NRG2: variants seen among roughly 807,000 people sequenced by gnomAD.
The protein encoded by NRG2 is pro-neuregulin-2, membrane-bound isoform.
In NRG2, 27 loss-of-function variants were observed where a neutral mutation model predicts 73.9. The observed-to-expected ratio is 0.37, with a 90% CI of 0.27 to 0.50. The LOEUF (loss-of-function observed/expected upper bound fraction) is 0.50. NRG2 is among the 20% of genes least tolerant of loss of function. The pLI is 0.96. For synonymous variants in NRG2, 532 were observed against 541.0 expected (o/e 0.98, Z 0.23); for missense variants, 1,126 against 1,210.1 (o/e 0.93, Z 1.03).
intron 1 of NRG2, among the ~76,000 whole-genome samples, chr5:139,892,219 C>T (rs564637584): frequency 6.6e-6 from 1 of 152,308 alleles, no homozygotes; most frequent in African/African-American, 2.4e-5. Flanking sequence ...CAATGTCCTC[C>T]ACATCCGCAC....
At chr5:139,859,992 A>G (rs1762050639) in intron 5 of NRG2, 1 of 1,455,106 alleles carries the variant, frequency 6.9e-7, no homozygotes, top group Admixed American at 1.8e-5. Context: ...GGGGAGAGAG[A>G]GAGACAGAAA....
At chr5:140,026,977 G>A (rs1017090597) in intron 1 of NRG2, among the ~76,000 whole-genome samples, 2 of 152,078 alleles carry the variant, frequency 1.3e-5, no homozygotes, top group Non-Finnish European at 2.9e-5. Context: ...TCCTTCCGTG[G>A]GTCTTTTTTG....
Position 140,042,979 on chromosome 5 carries a change from C to CGCTGCT in NRG2, c.85_90dup (p.Ser29_Ser30dup), listed in dbSNP as rs557310960. 4 of 1,535,780 alleles carry CGCTGCT rather than the reference C, an allele frequency of 2.6e-6. No homozygotes were observed. Among genetic ancestry groups the CGCTGCT allele is most frequent in the South Asian group, 1.2e-5 (1 of 84,440 alleles). On this transcript the variant is annotated inframe_insertion, in exon 1 of 10. Transcript: ENST00000361474. ...CTGCTGCTGCTGCTGCTGCTCCTCTCGCTGCTGCTGCTGCTGCTGTCGCTG... is the reference window on the plus strand; with the variant it reads ...CTGCTGCTGCTGCTGCTGCTCCTCTCGCTGCTGCTGCTGCTGCTGCTGCTGTCGCTG...
chr5:139,955,236 T>C (rs1054531198), intron 1 of NRG2, among the ~76,000 whole-genome samples: 11 of 151,958 alleles, frequency 7.2e-5, no homozygotes, highest in Non-Finnish European at 1.5e-4. Flanking sequence ...AGGGTCAGTA[T>C]TGAGGGACAG....
intron 2 of NRG2, 78 bp from the exon 3 acceptor site, chr5:139,881,052 G>C (rs1763499889): frequency 6.6e-6 from 8 of 1,216,414 alleles, no homozygotes; most frequent in Non-Finnish European, 9.7e-6. Flanking sequence ...CCCAGCGGTT[G>C]CCTCTCTCCA....
intron 4 of NRG2, among the ~76,000 whole-genome samples, chr5:139,867,764 G>C (rs73271411): frequency 0.024 from 2,163 of 89,636 alleles, 24 homozygotes; most frequent in African/African-American, 0.068. Flanking sequence ...AGGGAAACCT[G>C]TGTGTGTGTG....
At chr5:139,924,749 C>T (rs1467170139) in intron 1 of NRG2, among the ~76,000 whole-genome samples, 1 of 152,166 alleles carries the variant, frequency 6.6e-6, no homozygotes, top group African/African-American at 2.4e-5. Flanking sequence ...GTAAGGCTTT[C>T]CTGGGCTGAT....
At chr5:139,877,381 C>T (rs1319878866) in intron 3 of NRG2, among the ~76,000 whole-genome samples, 3 of 152,218 alleles carry the variant, frequency 2.0e-5, no homozygotes, top group Non-Finnish European at 2.9e-5. Context: ...CCTGCTGCTC[C>T]CCAATGACCT....
chr5:139,871,656 C>T (rs185018690), intron 4 of NRG2, 65 bp downstream of exon 4: 2 of 1,597,058 alleles, frequency 1.3e-6, no homozygotes, highest in Non-Finnish European at 8.5e-7. Flanking sequence ...CTAGAGCCCT[C>T]CACTTCTGAC....
At chr5:139,970,780 C>A (rs1487723973) in intron 1 of NRG2, among the ~76,000 whole-genome samples, 1 of 152,152 alleles carries the variant, frequency 6.6e-6, no homozygotes, top group Non-Finnish European at 1.5e-5. Context: ...GATATAACCC[C>A]AAGTGCTAAA....
intron 2 of NRG2, among the ~76,000 whole-genome samples, chr5:139,886,090 C>T (rs1237238339): frequency 1.3e-5 from 2 of 152,198 alleles, no homozygotes; most frequent in South Asian, 2.1e-4. Flanking sequence ...CTGGCCATGG[C>T]AAGTTCCTTA....
At position 139,853,211 on chromosome 5, in the gene NRG2, C is replaced by A. The variant is rs1049469249; in HGVS notation, c.1293-184G>T. 1.3e-5 allele frequency among the ~76,000 whole-genome samples: 2 copies of A among 152,190 alleles called. No individual in the cohort carries two copies. The highest frequency in any genetic ancestry group is 4.8e-5 in the African/African-American group (2 of 41,444). Reference sequence around the variant, plus strand: ...CCTGAATCCAATAGGACCTGAGCGTCGTGGCAGTGAGCTCTGGCTCTGCCC... The same window carrying A: ...CCTGAATCCAATAGGACCTGAGCGTAGTGGCAGTGAGCTCTGGCTCTGCCC... On this transcript the variant is annotated intron_variant, in intron 6 of 9. Coordinates refer to ENST00000361474, the MANE Select transcript of NRG2 (RefSeq NM_004883.3). The surrounding 1 kb of genome is among the most constrained non-coding windows in gnomAD (Gnocchi z 4.1).
At chr5:139,867,784 G>A (rs866160763) in intron 4 of NRG2, among the ~76,000 whole-genome samples, 24 of 137,438 alleles carry the variant, frequency 1.7e-4, no homozygotes, top group South Asian at 4.6e-4. Context: ...GTGTGTGTGT[G>A]TGTGTGTGTG....
At chr5:139,982,491 C>G (rs545589419) in intron 1 of NRG2, among the ~76,000 whole-genome samples, 1 of 152,320 alleles carries the variant, frequency 6.6e-6, no homozygotes, top group East Asian at 1.9e-4. Flanking sequence ...TTGGCCTGTA[C>G]CACGTGACCT....
At position 139,926,360 on chromosome 5, in the gene NRG2, G is replaced by A. The variant is rs2126347147; in HGVS notation, c.701-38849C>T. Among the ~76,000 whole-genome samples the A allele has an allele frequency of 3.9e-5, 6 of 152,284 alleles. No individual in the cohort carries two copies. The Middle Eastern group carries it at 0.014, about 348-fold the overall frequency. On this transcript the variant is annotated intron_variant, in intron 1 of 9. Coordinates refer to ENST00000361474, the MANE Select transcript of NRG2 (RefSeq NM_004883.3). ...CAGAGGCAGCAGAGGAGGAAGTGCT[G>A]GTGTGTGAGCCCTCTGCAGGGAGCA...
At chr5:139,998,715 C>A (rs1221968601) in intron 1 of NRG2, among the ~76,000 whole-genome samples, 1 of 151,832 alleles carries the variant, frequency 6.6e-6, no homozygotes, top group Non-Finnish European at 1.5e-5. Context: ...AATTATGAGT[C>A]AGAATGTTGT....
At chr5:139,919,576 T>C (rs924888360) in intron 1 of NRG2, among the ~76,000 whole-genome samples, 8 of 152,072 alleles carry the variant, frequency 5.3e-5, no homozygotes, top group African/African-American at 1.7e-4. Flanking sequence ...ATCTAGTACA[T>C]GCAAGCTAAA....
intron 2 of NRG2, among the ~76,000 whole-genome samples, chr5:139,883,257 G>A (rs2127113621): frequency 8.7e-6 from 1 of 115,132 alleles, no homozygotes; most frequent in African/African-American, 3.5e-5. Context: ...CTCCCCAGCT[G>A]GTTCTCTGCT....
chr5:139,943,727 T>C (rs899784229), intron 1 of NRG2, among the ~76,000 whole-genome samples: 1 of 152,218 alleles, frequency 6.6e-6, no homozygotes, highest in East Asian at 1.9e-4. Flanking sequence ...TTTGACATAA[T>C]GAGGATGCAC....
Sources: gnomAD v4.1 joint callset for allele counts (sites outside exome capture counted in the v4.1 genomes callset) on GRCh38, gnomAD v4.1.1 for gene constraint, Gnocchi (gnomAD v3.1) non-coding constraint, MANE v1.5 for transcripts, NCBI Gene and HGNC (gene_info 2026-07-23, HGNC 2026-07-21) for gene names.